Variants in PAGE2B observed in about 807,000 individuals in gnomAD.
PAGE2B encodes the protein PAGE family member 2B, also known as putative G antigen family E member 3.
PAGE2B carries 5 observed loss-of-function variants against 7.6 expected under a neutral mutation model. The observed-to-expected ratio is 0.66, with a 90% CI of 0.34 to 1.38. The LOEUF (loss-of-function observed/expected upper bound fraction) is 1.38, where lower values mean the gene tolerates loss of function less well. Ranked by LOEUF, PAGE2B falls within the 40% of genes most tolerant of loss-of-function variation. The pLI is 0.04. For synonymous variants in PAGE2B, 29 were observed against 26.7 expected, an observed-to-expected ratio of 1.09 and a Z score of -0.27; for missense variants, 70 against 78.4, an observed-to-expected ratio of 0.89 and a Z score of 0.41.
intron 2 of PAGE2B, 101 bp from the exon 3 acceptor site, chrX:55,076,464 TTATA>T (rs544764778): frequency 1.4e-6 from 1 of 731,190 alleles, no homozygotes; most frequent in South Asian, 2.7e-5. Flanking sequence ...ATATATGTGT[TTATA>T]TATGTTGGAA....
chrX:55,036,145 G>T, the PAGE2B span, among the ~76,000 whole-genome samples: 1 of 112,040 alleles, frequency 8.9e-6, no homozygotes, highest in Non-Finnish European at 1.9e-5. Flanking sequence ...TTTACACATT[G>T]CTTTTGTATT....
At chrX:55,060,831 T>C in the PAGE2B span, among the ~76,000 whole-genome samples, 21 of 110,913 alleles carry the variant, frequency 1.9e-4, no homozygotes, top group South Asian at 1.5e-3. Flanking sequence ...TAGTAAATTA[T>C]ATTTTCAGTA....
chrX:55,076,809 G>A (rs1936525365), intron 3 of PAGE2B, 132 bp downstream of exon 3: 3 of 609,891 alleles, frequency 4.9e-6, no homozygotes, highest in Admixed American at 3.8e-5. Context: ...CTGCTGCTGT[G>A]TGGAGGGGTG....
At chrX:55,040,315 G>A in the PAGE2B span, among the ~76,000 whole-genome samples, 934 of 104,809 alleles carry the variant, frequency 8.9e-3, 11 homozygotes, top group African/African-American at 0.031. Flanking sequence ...GACAGGCCCC[G>A]GGGTGTGATG....
the PAGE2B span, among the ~76,000 whole-genome samples, chrX:55,066,769 T>G: frequency 9.0e-6 from 1 of 111,593 alleles, no homozygotes; most frequent in Non-Finnish European, 1.9e-5. Context: ...GTACTCTTCT[T>G]TGGGTTAAAT....
intron 3 of PAGE2B, among the ~76,000 whole-genome samples, chrX:55,076,996 G>C (rs1461670928): frequency 4.5e-5 from 5 of 111,010 alleles, no homozygotes; most frequent in African/African-American, 9.8e-5. Flanking sequence ...TTCCTAGTCT[G>C]CCATCTGTGG....
chrX:55,038,433 T>G, the PAGE2B span, among the ~76,000 whole-genome samples: 4 of 112,248 alleles, frequency 3.6e-5, no homozygotes, highest in Admixed American at 3.8e-4. Context: ...TTATATTTAC[T>G]CTCAATAAAA....
At chrX:55,041,204 C>T in the PAGE2B span, among the ~76,000 whole-genome samples, 1 of 106,479 alleles carries the variant, frequency 9.4e-6, no homozygotes, top group Admixed American at 1.0e-4. Context: ...GCCTCAGCCT[C>T]CTGAGTAGCT....
chrX:55,074,025 G>T (rs777511370), upstream of PAGE2B, among the ~76,000 whole-genome samples: 38 of 111,517 alleles, frequency 3.4e-4, no homozygotes, highest in Non-Finnish European at 6.0e-4. Context: ...AAGCAAACAC[G>T]TGTCAGCAAT....
chrX:55,064,059 ATAT>A, the PAGE2B span, among the ~76,000 whole-genome samples: 1 of 110,994 alleles, frequency 9.0e-6, no homozygotes, highest in Non-Finnish European at 1.9e-5. Context: ...TATCAGGGTA[ATAT>A]TGTCCTTGTA....
chrX:55,056,702 C>T, the PAGE2B span, among the ~76,000 whole-genome samples: 2 of 110,822 alleles, frequency 1.8e-5, no homozygotes, highest in Non-Finnish European at 3.8e-5. Context: ...GCAGCAGCTG[C>T]AGTGCCCGAG....
chrX:55,037,330 T>G, the PAGE2B span, among the ~76,000 whole-genome samples: 2 of 111,566 alleles, frequency 1.8e-5, no homozygotes, highest in Middle Eastern at 4.6e-3. Flanking sequence ...ATCAGAGAAA[T>G]GCAAATCAAA....
the PAGE2B span, among the ~76,000 whole-genome samples, chrX:55,065,414 T>C: frequency 4.5e-5 from 5 of 111,830 alleles, no homozygotes; most frequent in Non-Finnish European, 9.4e-5. Context: ...TCTTTTCCCA[T>C]CCCATTATTT....
the PAGE2B span, among the ~76,000 whole-genome samples, chrX:55,054,217 C>CAAAA: frequency 9.3e-6 from 1 of 107,456 alleles, no homozygotes. Flanking sequence ...TTAAAAAAAA[C>CAAAA]AAAAAAAAAC....
the PAGE2B span, among the ~76,000 whole-genome samples, chrX:55,069,498 C>T: frequency 9.4e-6 from 1 of 106,475 alleles, no homozygotes; most frequent in Non-Finnish European, 1.9e-5. Flanking sequence ...ATCTAAAATT[C>T]TCTCTCTTTT....
At chrX:55,029,849 T>C in the PAGE2B span, among the ~76,000 whole-genome samples, 1 of 111,527 alleles carries the variant, frequency 9.0e-6, no homozygotes. Context: ...AAATCCTCTC[T>C]TGTGTCAGCA....
chrX:55,057,005 T>TTA, the PAGE2B span, among the ~76,000 whole-genome samples: 1 of 111,398 alleles, frequency 9.0e-6, no homozygotes, highest in East Asian at 2.8e-4. Flanking sequence ...AATTGACTAG[T>TTA]TAGTACCAAA....
chrX:55,072,003 C>G (rs1288059005), upstream of PAGE2B, among the ~76,000 whole-genome samples: 1 of 111,890 alleles, frequency 8.9e-6, no homozygotes, highest in Non-Finnish European at 1.9e-5. Flanking sequence ...TTAGAACATG[C>G]TCCTTAGCTC....
the PAGE2B span, among the ~76,000 whole-genome samples, chrX:55,060,178 A>G: frequency 9.0e-6 from 1 of 111,612 alleles, no homozygotes; most frequent in East Asian, 2.8e-4. Context: ...TGAATCATAC[A>G]ATAACTCTAT....
Sources: allele counts gnomAD v4.1 joint callset (sites outside exome capture counted in the v4.1 genomes callset), GRCh38; gene constraint gnomAD v4.1.1; transcripts MANE v1.5; gene names NCBI Gene and HGNC (gene_info 2026-07-23, HGNC 2026-07-21).